The following VRK1 variants were observed in gnomAD, a reference collection of about 807,000 sequenced individuals.
The protein encoded by VRK1 is VRK serine/threonine kinase 1, also known as serine/threonine-protein kinase VRK1.
A neutral mutation model predicts 57.1 loss-of-function variants in VRK1; 33 were observed. The ratio of observed to expected loss-of-function variants is 0.58; its 90% confidence interval spans 0.44 to 0.77. The LOEUF is 0.77. VRK1 is among the 30% of genes least tolerant of loss of function. The probability of loss-of-function intolerance (pLI) is 0.00; values close to 1 mark genes in which losing one functional copy is unlikely to be tolerated. For missense variants in VRK1, 413 were observed against 477.3 expected (o/e 0.87, Z 1.25); for synonymous variants, 137 against 147.8 (o/e 0.93, Z 0.53).
intron 12 of VRK1, among the ~76,000 whole-genome samples, chr14:96,879,092 T>C (rs77459589): frequency 6.6e-6 from 1 of 152,162 alleles, no homozygotes; most frequent in Non-Finnish European, 1.5e-5. Context: ...ACTTTTTTTT[T>C]CCTACTGCAT....
intron 1 of VRK1, among the ~76,000 whole-genome samples, chr14:96,800,331 C>T (rs1272681394): frequency 6.6e-6 from 1 of 152,090 alleles, no homozygotes; most frequent in Admixed American, 6.6e-5. Flanking sequence ...ACTCCTGCTC[C>T]ATCTCTCCCA....
At chr14:96,852,799 T>G in intron 5 of VRK1, 32 bp from the exon 6 acceptor site, 1 of 1,579,568 alleles carries the variant, frequency 6.3e-7, no homozygotes, top group Non-Finnish European at 8.7e-7. Context: ...TGCATTGTAT[T>G]TTGTTCATTG....
At position 96,824,662 on chromosome 14, in the gene VRK1, T is replaced by A. The variant is rs567162495; in HGVS notation, c.-5-8805T>A. On this transcript the variant is annotated intron_variant, in intron 1 of 12. Transcript: ENST00000216639. ...AGATAGCAGAGGGGGATTAAAAACA[T>A]TAATTTTTTTTTTTTTTTTTTCCCT... 1.9e-4 allele frequency among the ~76,000 whole-genome samples: 29 copies of A among 150,306 alleles called. No homozygotes were observed. The South Asian group carries it at 5.9e-3, about 31-fold the overall frequency.
chr14:96,855,093 G>A (rs1407326469), intron 7 of VRK1, 131 bp from the exon 8 acceptor site: 1 of 1,290,382 alleles, frequency 7.7e-7, no homozygotes, highest in African/African-American at 1.5e-5. Context: ...GATCTAAATT[G>A]TTTGGAGTGT....
At chr14:96,875,248 T>C (rs1455936154) in intron 11 of VRK1, among the ~76,000 whole-genome samples, 1 of 152,202 alleles carries the variant, frequency 6.6e-6, no homozygotes. Context: ...GAAAATGTTG[T>C]AGTGGTAGAA....
At chr14:96,846,583 T>C (rs1595670060) in intron 4 of VRK1, among the ~76,000 whole-genome samples, 1 of 151,798 alleles carries the variant, frequency 6.6e-6, no homozygotes, top group East Asian at 1.9e-4. Context: ...GTATGAAAAA[T>C]AGGTCTTCCT....
At position 96,867,892 on chromosome 14, in the gene VRK1, T is replaced by C. The variant is rs182924977; in HGVS notation, c.1068+7157T>C. On this transcript the variant is annotated intron_variant, in intron 11 of 12. Coordinates refer to ENST00000216639, the MANE Select transcript of VRK1 (RefSeq NM_003384.3). ...AGCCTCTTAAATCCTTTGAGAATAG[T>C]AATTATGAGACTTTTTTATATTAAC... is the stretch of plus-strand genomic sequence containing the variant. 1.9e-3 allele frequency among the ~76,000 whole-genome samples: 291 copies of C among 152,310 alleles called. 1 individual carries two copies. Among genetic ancestry groups the C allele is most frequent in the African/African-American group, 6.5e-3 (269 of 41,578 alleles).
At chr14:96,799,711 C>G (rs1026065228) in intron 1 of VRK1, among the ~76,000 whole-genome samples, 1 of 152,084 alleles carries the variant, frequency 6.6e-6, no homozygotes, top group Non-Finnish European at 1.5e-5. Flanking sequence ...GAAAATTGCT[C>G]TTGATGGGTT....
At chr14:96,876,341 G>A (rs1347946345) in intron 12 of VRK1, among the ~76,000 whole-genome samples, 1 of 152,158 alleles carries the variant, frequency 6.6e-6, no homozygotes, top group East Asian at 1.9e-4. Flanking sequence ...CCTTCATTTT[G>A]CAGATTTGGA....
intron 11 of VRK1, among the ~76,000 whole-genome samples, chr14:96,866,128 A>G (rs755568922): frequency 3.9e-5 from 6 of 151,988 alleles, no homozygotes; most frequent in Admixed American, 6.6e-5. Flanking sequence ...TGCTTATTCT[A>G]TCTTATTCAT....
chr14:96,864,800 A>C (rs912864350), intron 11 of VRK1, among the ~76,000 whole-genome samples: 9 of 151,624 alleles, frequency 5.9e-5, no homozygotes, highest in Non-Finnish European at 1.2e-4. Context: ...ACGTGCACTG[A>C]TTTGTTTATG....
chr14:96,804,049 A>G (rs1341887815), intron 1 of VRK1, among the ~76,000 whole-genome samples: 7 of 152,200 alleles, frequency 4.6e-5, no homozygotes, highest in Non-Finnish European at 8.8e-5. Flanking sequence ...ACTTCTCAAT[A>G]TATGGATCGT....
chr14:96,809,824 C>A (rs550540544), intron 1 of VRK1, among the ~76,000 whole-genome samples: 19 of 152,212 alleles, frequency 1.2e-4, no homozygotes, highest in African/African-American at 4.1e-4. Context: ...CTGCCTGCTT[C>A]GGCCTCCCTA....
intron 1 of VRK1, among the ~76,000 whole-genome samples, chr14:96,829,263 A>G (rs1383080540): frequency 6.8e-6 from 1 of 147,260 alleles, no homozygotes; most frequent in Non-Finnish European, 1.5e-5. Flanking sequence ...CTCATTGAGT[A>G]TGAGAGGATT....
At chr14:96,812,734 C>A (rs1233980994) in intron 1 of VRK1, among the ~76,000 whole-genome samples, 2 of 151,730 alleles carry the variant, frequency 1.3e-5, no homozygotes, top group African/African-American at 4.8e-5. Flanking sequence ...GGTTTTCAAG[C>A]CCTTTTATGT....
chr14:96,877,620 T>A (rs984669677), intron 12 of VRK1: 2 of 1,287,642 alleles, frequency 1.6e-6, no homozygotes, highest in Non-Finnish European at 2.0e-6. Context: ...TACAGCAATA[T>A]TCTTAAAAAA....
At chr14:96,822,135 T>C (rs1886628122) in intron 1 of VRK1, among the ~76,000 whole-genome samples, 1 of 152,204 alleles carries the variant, frequency 6.6e-6, no homozygotes, top group African/African-American at 2.4e-5. Context: ...TGTTTTAATT[T>C]TTAGAAAATT....
chr14:96,819,807 C>T (rs139269454), intron 1 of VRK1, among the ~76,000 whole-genome samples: 2,280 of 152,200 alleles, frequency 0.015, 65 homozygotes, highest in African/African-American at 0.052. Flanking sequence ...GTGAATATGG[C>T]GGATGAGACA....
intron 1 of VRK1, among the ~76,000 whole-genome samples, chr14:96,824,574 C>T (rs80125383): frequency 2.7e-5 from 4 of 149,434 alleles, no homozygotes; most frequent in Non-Finnish European, 4.4e-5. Context: ...CAAGTACAGA[C>T]GATTATTGAA....
Sources: allele counts gnomAD v4.1 joint callset (sites outside exome capture counted in the v4.1 genomes callset), GRCh38; gene constraint gnomAD v4.1.1; transcripts MANE v1.5; gene names NCBI Gene and HGNC (gene_info 2026-07-23, HGNC 2026-07-21).